The following TPD52 variants were observed in gnomAD, a reference collection of about 807,000 sequenced individuals.
TPD52 encodes tumor protein D52.
In TPD52, 17 loss-of-function variants were observed where a neutral mutation model predicts 31.3. The observed-to-expected ratio is 0.54, with a 90% CI of 0.37 to 0.82. TPD52 has a LOEUF of 0.82. TPD52 is among the 40% of genes least tolerant of loss of function. The probability of loss-of-function intolerance (pLI) is 0.00; values close to 1 mark genes in which losing one functional copy is unlikely to be tolerated. For missense variants in TPD52, 212 were observed against 240.1 expected, an observed-to-expected ratio of 0.88 and a Z score of 0.77; for synonymous variants, 83 against 89.6, an observed-to-expected ratio of 0.93 and a Z score of 0.42.
intron 1 of TPD52, chr8:80,064,898 T>C: frequency 1.9e-6 from 1 of 522,924 alleles, no homozygotes; most frequent in Non-Finnish European, 3.6e-6. Context: ...AAATGAGATC[T>C]TGCTGAGACT....
downstream of TPD52, among the ~76,000 whole-genome samples, chr8:80,031,725 T>C (rs144593413): frequency 6.6e-6 from 1 of 152,076 alleles, no homozygotes; most frequent in African/African-American, 2.4e-5. Context: ...GGGGCAGTGG[T>C]GCATGCCTGT....
chr8:80,102,791 G>A (rs772398635), intron 1 of TPD52, among the ~76,000 whole-genome samples: 3 of 152,084 alleles, frequency 2.0e-5, no homozygotes, highest in Non-Finnish European at 4.4e-5. Context: ...TTAGAGGGCC[G>A]GAAATTTCAG....
At chr8:80,052,690 C>T (rs1182676116) in intron 3 of TPD52, 2 of 1,288,768 alleles carry the variant, frequency 1.6e-6, no homozygotes, top group Non-Finnish European at 2.0e-6. Flanking sequence ...TGCCGGGAAA[C>T]AAAACTGCAT....
chr8:80,060,859 T>C (rs1276437296), intron 2 of TPD52, among the ~76,000 whole-genome samples: 7 of 152,030 alleles, frequency 4.6e-5, no homozygotes, highest in East Asian at 3.9e-4. Flanking sequence ...GCTAATATCA[T>C]ACTTATGGTT....
In TPD52 at chr8:80,036,704, ACAAT is replaced by A. The variant is rs1379087782; in HGVS notation, c.*1408_*1411del. 3.3e-5 allele frequency: 5 copies of A among 152,632 alleles called. No individual in the cohort carries two copies. Among genetic ancestry groups the A allele is most frequent in the African/African-American group, 1.2e-4 (5 of 41,458 alleles). The allele number at this position is 152,632 out of a possible 1,614,324, so 9.5% of individuals were successfully genotyped here. A position where few individuals can be genotyped will look rare whatever the true frequency, so the allele number is the denominator to read the frequency against. ...AAGAATGGCAGCATGTTATTTTATA[ACAAT>A]CAACACCTGTGGCTTTTAAAATTTG... On this transcript the variant is annotated 3_prime_UTR_variant, in exon 8 of 8. Coordinates refer to ENST00000518937, the MANE Select transcript of TPD52 (RefSeq NM_001025253.3).
chr8:80,052,716 TC>T, intron 3 of TPD52: 3 of 1,256,744 alleles, frequency 2.4e-6, no homozygotes, highest in Non-Finnish European at 3.1e-6. Flanking sequence ...TAATGCTATA[TC>T]ATAGCATGTG....
At chr8:80,086,877 CAAAAAAAAAAAAAAAAAAA>C (rs58864911) in intron 1 of TPD52, among the ~76,000 whole-genome samples, 3 of 76,574 alleles carry the variant, frequency 3.9e-5, no homozygotes, top group South Asian at 6.3e-4. Context: ...GCTGTCTCAA[CAAAAAAAAAAAAAAAAAAA>C]AAAAAAAAAA....
intron 1 of TPD52, among the ~76,000 whole-genome samples, chr8:80,150,872 G>A (rs1810524851): frequency 6.6e-6 from 1 of 152,198 alleles, no homozygotes; most frequent in Non-Finnish European, 1.5e-5. Context: ...GGACTTTTGA[G>A]TTAATGATGA....
intron 1 of TPD52, among the ~76,000 whole-genome samples, chr8:80,126,480 T>TC: frequency 2.5e-5 from 1 of 40,216 alleles, no homozygotes; most frequent in South Asian, 5.0e-4. Context: ...AAGTTTATAA[T>TC]TTTTTTTTTT....
At chr8:80,113,147 C>A (rs1807616650) in intron 1 of TPD52, among the ~76,000 whole-genome samples, 1 of 152,092 alleles carries the variant, frequency 6.6e-6, no homozygotes, top group South Asian at 2.1e-4. Context: ...GGATGCTCAA[C>A]CTGCAGCAGG....
chr8:80,064,264 A>G (rs1345988326), intron 2 of TPD52, among the ~76,000 whole-genome samples: 1 of 151,948 alleles, frequency 6.6e-6, no homozygotes, highest in East Asian at 1.9e-4. Flanking sequence ...TTTCACATCT[A>G]TTTTACCCAT....
chr8:80,074,545 G>A (rs1814297430), intron 1 of TPD52, among the ~76,000 whole-genome samples: 1 of 152,228 alleles, frequency 6.6e-6, no homozygotes. Context: ...CTGTGGCAGG[G>A]ACTGCCCTGG....
At chr8:80,134,697 G>C (rs1024473368) in intron 1 of TPD52, among the ~76,000 whole-genome samples, 2 of 152,192 alleles carry the variant, frequency 1.3e-5, no homozygotes, top group African/African-American at 4.8e-5. Context: ...TAGGAACTGA[G>C]GCCTCCTGCC....
chr8:80,094,430 T>TTATATATATATATATATACATATATATA, intron 1 of TPD52, among the ~76,000 whole-genome samples: 1 of 53,710 alleles, frequency 1.9e-5, no homozygotes, highest in East Asian at 1.3e-3. Flanking sequence ...AAAGAAAATT[T>TTATATATATATATATATACATATATATA]TATATATATA....
At chr8:80,155,810 G>A (rs572418406) in intron 1 of TPD52, among the ~76,000 whole-genome samples, 162 of 151,782 alleles carry the variant, frequency 1.1e-3, no homozygotes, top group South Asian at 1.9e-3. Flanking sequence ...TTGAACCCGG[G>A]AGGCAGAGGT....
chr8:80,128,038 A>AG (rs945406708), intron 1 of TPD52, among the ~76,000 whole-genome samples: 4 of 151,776 alleles, frequency 2.6e-5, no homozygotes, highest in Admixed American at 1.3e-4. Context: ...AATGAAAATT[A>AG]GATAGCTGCT....
chr8:80,135,825 C>T (rs564527517), intron 1 of TPD52, among the ~76,000 whole-genome samples: 4 of 141,296 alleles, frequency 2.8e-5, no homozygotes, highest in South Asian at 4.8e-4. Flanking sequence ...AGTTCATGTC[C>T]TTTGTAGGGA....
chr8:80,063,009 A>G (rs575887675), intron 2 of TPD52, among the ~76,000 whole-genome samples: 10 of 152,180 alleles, frequency 6.6e-5, no homozygotes, highest in Non-Finnish European at 1.3e-4. Flanking sequence ...AACATTAAAC[A>G]TGGAACTACC....
At chr8:80,077,539 T>C (rs766566766) in intron 1 of TPD52, among the ~76,000 whole-genome samples, 7 of 152,204 alleles carry the variant, frequency 4.6e-5, no homozygotes, top group Non-Finnish European at 1.0e-4. Context: ...ATCTGTTCTA[T>C]AATATCCATT....
Sources: gnomAD v4.1 joint callset for allele counts (sites outside exome capture counted in the v4.1 genomes callset) on GRCh38, gnomAD v4.1.1 for gene constraint, MANE v1.5 for transcripts, NCBI Gene and HGNC (gene_info 2026-07-23, HGNC 2026-07-21) for gene names.